The following TNS1 variants were observed in gnomAD, a reference collection of about 807,000 sequenced individuals.
The protein encoded by TNS1 is tensin-1.
A neutral mutation model predicts 168.6 loss-of-function variants in TNS1; 62 were observed. The ratio of observed to expected loss-of-function variants is 0.37; its 90% CI spans 0.30 to 0.45. TNS1 has a LOEUF of 0.45. TNS1 is among the 20% of genes least tolerant of loss of function. The probability of loss-of-function intolerance (pLI) is 1.00; values close to 1 mark genes in which losing one functional copy is unlikely to be tolerated. For synonymous variants in TNS1, 934 were observed against 933.2 expected, an observed-to-expected ratio of 1.00 and a Z score of -0.02; for missense variants, 2,240 against 2,339.4, an observed-to-expected ratio of 0.96 and a Z score of 0.88.
Position 217,818,716 on chromosome 2 carries a change from C to A in TNS1, c.3616G>T (p.Gly1206Cys), listed in dbSNP as rs770021903. Residue 1206 changes from glycine to cysteine, a missense_variant, in exon 24 of 33, where the codon GGT becomes TGT. Transcript: ENST00000682258. ...AGAGGCTGGGTGGGCGTCCGGGGACCCTGGTCACTGCTCTCTCCCGACGGG... is the reference window on the plus strand; with the variant it reads ...AGAGGCTGGGTGGGCGTCCGGGGACACTGGTCACTGCTCTCTCCCGACGGG... ...SFPSGESSDQ[G>C]PRTPTQPLLE... 2 of 1,613,966 alleles carry A rather than the reference C, an allele frequency of 1.2e-6. No individual in the cohort carries two copies. The highest frequency in any genetic ancestry group is 1.7e-5 in the Admixed American group (1 of 60,020).
At chr2:217,899,922 G>A (rs1408000269) in intron 7 of TNS1, among the ~76,000 whole-genome samples, 1 of 152,218 alleles carries the variant, frequency 6.6e-6, no homozygotes, top group African/African-American at 2.4e-5. Flanking sequence ...GTGAGGCAGA[G>A]AGGGCAAAAC....
intron 1 of TNS1, among the ~76,000 whole-genome samples, chr2:218,023,080 G>C (rs1202123747): frequency 6.6e-6 from 1 of 152,222 alleles, no homozygotes; most frequent in East Asian, 1.9e-4. Flanking sequence ...CTGGGGAGGA[G>C]GTCCCAGGAC....
rs374898051 is a variant in TNS1 at position 217,818,774 on chromosome 2, C to T, written c.3573-15G>A. On this transcript the variant is annotated splice_polypyrimidine_tract_variant and intron_variant, in intron 23 of 32. Transcript: ENST00000682258. ...CCACTGAAGTGCTGCAGAGAGATGG[C>T]AGGTTGCGATGTCAGTGGACAGAAC... The T allele has an allele frequency of 1.8e-5, 28 of 1,592,192 alleles. No individual in the cohort carries two copies. The African/African-American group carries it at 3.6e-4, about 21-fold the overall frequency.
intron 3 of TNS1, among the ~76,000 whole-genome samples, chr2:217,969,605 AT>A (rs556405978): frequency 2.6e-5 from 4 of 152,316 alleles, no homozygotes; most frequent in East Asian, 3.9e-4. Context: ...AAATAACCCA[AT>A]TTTTTAAATG....
intron 2 of TNS1, among the ~76,000 whole-genome samples, chr2:217,981,266 T>C (rs1958041303): frequency 6.6e-6 from 1 of 152,218 alleles, no homozygotes; most frequent in South Asian, 2.1e-4. Flanking sequence ...AAGGTGCCCT[T>C]TCTCCAGGCA....
chr2:218,011,830 G>A (rs1958709121), upstream of TNS1, among the ~76,000 whole-genome samples: 5 of 152,192 alleles, frequency 3.3e-5, no homozygotes, highest in African/African-American at 1.2e-4. Context: ...TCCTACTGGC[G>A]AGTGGATAGA....
At chr2:217,892,788 C>A (rs1485179890) in intron 11 of TNS1, among the ~76,000 whole-genome samples, 160 bp downstream of exon 11, 1 of 152,170 alleles carries the variant, frequency 6.6e-6, no homozygotes, top group Admixed American at 6.5e-5. Context: ...TCCACAGGCT[C>A]CTGCCTCAGA....
chr2:218,025,791 C>T lies in TNS1; in HGVS notation c.156+8029G>A, dbSNP rs565637553. 1.3e-3 allele frequency among the ~76,000 whole-genome samples: 194 copies of T among 152,260 alleles called. 1 individual carries two copies. The highest frequency in any genetic ancestry group is 2.1e-3 in the Non-Finnish European group (145 of 68,020). ...TCCTGGGCTCAAGTGAGCCTCCTGT[C>T]TCAGCCTGCCGGGTGGCTGGGAATA... is the stretch of plus-strand genomic sequence containing the variant. On this transcript the variant is annotated intron_variant, in intron 1 of 1. Transcript: ENST00000649572.
intron 18 of TNS1, chr2:217,850,350 C>T (rs1947293180): frequency 1.1e-5 from 11 of 985,132 alleles, no homozygotes; most frequent in African/African-American, 1.7e-5. Context: ...GGAGGGGAAG[C>T]GTCTTAGGGA....
rs1399006308 is a variant in TNS1, at chr2:217,810,301, T to C, written c.5051A>G (p.Lys1684Arg). Reference protein sequence around the residue: ...IPNRDPTDESKDSSGPANSTA... With the variant: ...IPNRDPTDESRDSSGPANSTA... Reference sequence around the variant, plus strand: ...TGAGTTGGCAGGGCCGGAGCTATCTTTCGATTCATCTGTGGGGTCTAAGAC... The same window carrying C: ...TGAGTTGGCAGGGCCGGAGCTATCTCTCGATTCATCTGTGGGGTCTAAGAC... Residue 1684 changes from lysine to arginine, a missense_variant, in exon 29 of 33, where the codon AAA becomes AGA. By Grantham distance (26) the Lys-to-Arg change is conservative. Around this residue, in one of 2 missense-constraint regions of TNS1, gnomAD observed 2,131 missense variants for 2,171.2 expected, o/e 0.98. Transcript: ENST00000682258. 35 of 1,614,062 alleles carry C rather than the reference T, an allele frequency of 2.2e-5. No individual in the cohort carries two copies. The Admixed American group carries it at 5.8e-4, about 27-fold the overall frequency.
At chr2:217,965,892 A>G (rs1957614839) in intron 3 of TNS1, among the ~76,000 whole-genome samples, 1 of 151,796 alleles carries the variant, frequency 6.6e-6, no homozygotes. Context: ...CTGGTACCAC[A>G]CCACAAACCC....
chr2:217,857,200 C>T (rs1360337602), intron 18 of TNS1, among the ~76,000 whole-genome samples: 4 of 152,172 alleles, frequency 2.6e-5, no homozygotes, highest in African/African-American at 4.8e-5. Flanking sequence ...TCTCCAGGGC[C>T]CGGGAGGTTG....
At chr2:217,950,860 T>C (rs895319324) in intron 3 of TNS1, among the ~76,000 whole-genome samples, 1 of 151,778 alleles carries the variant, frequency 6.6e-6, no homozygotes, top group African/African-American at 2.4e-5. Context: ...CGGCTCACTT[T>C]CCATCTCCCC....
chr2:217,868,025 G>A (rs987776884), intron 18 of TNS1, among the ~76,000 whole-genome samples: 1 of 152,256 alleles, frequency 6.6e-6, no homozygotes, highest in Non-Finnish European at 1.5e-5. Context: ...CCGCCGCATG[G>A]CAGGGATCTT....
intron 18 of TNS1, chr2:217,859,612 G>GC: frequency 6.5e-7 from 1 of 1,533,092 alleles, no homozygotes; most frequent in Non-Finnish European, 8.7e-7. Context: ...CTTTGGGAAG[G>GC]CCAGTGTGTG....
chr2:217,800,748 G>GAA lies in TNS1; in HGVS notation c.*3709_*3710dup. ...CAGGATCTCCCCAGGTCCTAAAGCT[G>GAA]AAAAAAAAAGTGGGAGAAGATCCAG... is the stretch of plus-strand genomic sequence containing the variant. On this transcript the variant is annotated 3_prime_UTR_variant, in exon 33 of 33. Transcript: ENST00000682258. The GAA allele has an allele frequency of 6.6e-6, 1 of 150,606 alleles. No individual in the cohort carries two copies. The highest frequency in any genetic ancestry group is 1.5e-5 in the Non-Finnish European group (1 of 67,618). 9.3% of individuals were successfully genotyped at this position (150,606 alleles called of 1,614,324 possible).
intron 4 of TNS1, among the ~76,000 whole-genome samples, chr2:217,917,674 T>C (rs1183092541): frequency 6.6e-6 from 1 of 151,704 alleles, no homozygotes; most frequent in Non-Finnish European, 1.5e-5. Flanking sequence ...CTACTAAAAA[T>C]GCAAAAATCA....
intron 4 of TNS1, among the ~76,000 whole-genome samples, chr2:217,911,302 C>G (rs1954377738): frequency 6.6e-6 from 1 of 152,244 alleles, no homozygotes; most frequent in Non-Finnish European, 1.5e-5. Context: ...AAGCCCTGCT[C>G]TTAGCGGGCT....
At chr2:217,860,009 C>T (rs972858975) in intron 18 of TNS1, among the ~76,000 whole-genome samples, 11 of 152,182 alleles carry the variant, frequency 7.2e-5, no homozygotes, top group Admixed American at 2.6e-4. Context: ...GGAGCTTCAG[C>T]GACTGGTGTC....
Sources: allele counts gnomAD v4.1 joint callset (sites outside exome capture counted in the v4.1 genomes callset), GRCh38; gene constraint gnomAD v4.1.1; regional missense constraint gnomAD v4.1.1; transcripts MANE v1.5; gene names NCBI Gene and HGNC (gene_info 2026-07-23, HGNC 2026-07-21).